Variants in SLC44A5 observed in about 807,000 individuals in gnomAD.
SLC44A5 encodes solute carrier family 44 member 5.
A neutral mutation model predicts 101.8 loss-of-function variants in SLC44A5; 57 were observed. The ratio of observed to expected loss-of-function variants is 0.56; its 90% CI spans 0.45 to 0.70. SLC44A5 has a LOEUF of 0.70. Among genes scored for constraint, SLC44A5 ranks in the 30% least tolerant of loss-of-function variants. The pLI is 0.00. For synonymous variants in SLC44A5, 281 were observed against 290.9 expected (o/e 0.97, Z 0.35); for missense variants, 737 against 853.1 (o/e 0.86, Z 1.70).
At chr1:75,493,263 A>T (rs1668513745) in intron 2 of SLC44A5, among the ~76,000 whole-genome samples, 1 of 152,178 alleles carries the variant, frequency 6.6e-6, no homozygotes, top group African/African-American at 2.4e-5. Flanking sequence ...ATGCCAGAGA[A>T]TTTCAAGCCT....
At chr1:75,451,386 A>G (rs1259203772) in intron 2 of SLC44A5, among the ~76,000 whole-genome samples, 2 of 152,138 alleles carry the variant, frequency 1.3e-5, no homozygotes, top group African/African-American at 4.8e-5. Flanking sequence ...CCAATATAAT[A>G]CCTGCCAAAA....
At chr1:75,599,174 T>C (rs74091782) in intron 1 of SLC44A5, among the ~76,000 whole-genome samples, 4,181 of 152,214 alleles carry the variant, frequency 0.027, 178 homozygotes, top group African/African-American at 0.096. Context: ...GATTAAAGGA[T>C]AAATTGCGCA....
chr1:75,237,946 G>A (rs1648252294), intron 10 of SLC44A5, among the ~76,000 whole-genome samples: 1 of 151,968 alleles, frequency 6.6e-6, no homozygotes, highest in Non-Finnish European at 1.5e-5. Flanking sequence ...GCACATGTGT[G>A]TATGCGTGCA....
At chr1:75,502,923 C>T (rs1669046749) in intron 2 of SLC44A5, among the ~76,000 whole-genome samples, 1 of 152,062 alleles carries the variant, frequency 6.6e-6, no homozygotes, top group Non-Finnish European at 1.5e-5. Context: ...CTCTGCCATG[C>T]CTCAAACCAC....
chr1:75,258,883 C>T (rs945914494), intron 6 of SLC44A5, among the ~76,000 whole-genome samples: 1 of 152,098 alleles, frequency 6.6e-6, no homozygotes, highest in African/African-American at 2.4e-5. Flanking sequence ...CCCAGGCAAA[C>T]AGGGTCTGGA....
At chr1:75,689,438 A>C in the SLC44A5 span, among the ~76,000 whole-genome samples, 824 of 152,304 alleles carry the variant, frequency 5.4e-3, 17 homozygotes, top group Admixed American at 0.037. Flanking sequence ...CCACAAATGA[A>C]GAAGCAACTC....
chr1:75,475,650 C>T (rs1303095650), intron 2 of SLC44A5, among the ~76,000 whole-genome samples: 1 of 152,332 alleles, frequency 6.6e-6, no homozygotes, highest in Non-Finnish European at 1.5e-5. Context: ...CCTCAGCCAT[C>T]TCCAAACCTT....
At chr1:75,708,336 C>A in the SLC44A5 span, among the ~76,000 whole-genome samples, 1 of 145,572 alleles carries the variant, frequency 6.9e-6, no homozygotes, top group East Asian at 2.0e-4. Flanking sequence ...ATCGCTTGAA[C>A]CCATGAGGTG....
intron 4 of SLC44A5, among the ~76,000 whole-genome samples, chr1:75,333,056 A>G (rs1205807638): frequency 6.6e-6 from 1 of 152,152 alleles, no homozygotes; most frequent in Non-Finnish European, 1.5e-5. Flanking sequence ...CCTATAGAAA[A>G]AAAGAACACA....
the SLC44A5 span, among the ~76,000 whole-genome samples, chr1:75,635,689 G>A: frequency 4.6e-5 from 7 of 150,938 alleles, no homozygotes; most frequent in Non-Finnish European, 7.4e-5. Flanking sequence ...AATAGCATTA[G>A]GAGATACACC....
At chr1:75,669,313 A>G in the SLC44A5 span, among the ~76,000 whole-genome samples, 1 of 152,140 alleles carries the variant, frequency 6.6e-6, no homozygotes, top group Non-Finnish European at 1.5e-5. Flanking sequence ...TGGATTCCCT[A>G]TACCCAAGGT....
At chr1:75,513,056 T>A (rs1669647781) in intron 2 of SLC44A5, among the ~76,000 whole-genome samples, 1 of 152,216 alleles carries the variant, frequency 6.6e-6, no homozygotes, top group South Asian at 2.1e-4. Context: ...GAGCCTGAGA[T>A]AAAATACTTG....
chr1:75,586,002 G>T (rs1449239349), intron 1 of SLC44A5, among the ~76,000 whole-genome samples: 1 of 152,112 alleles, frequency 6.6e-6, no homozygotes, highest in Non-Finnish European at 1.5e-5. Context: ...CATTTTACAG[G>T]TCAACTTGAC....
At chr1:75,376,307 A>T (rs574234283) in intron 3 of SLC44A5, among the ~76,000 whole-genome samples, 160 of 152,328 alleles carry the variant, frequency 1.1e-3, no homozygotes, top group South Asian at 4.6e-3. Flanking sequence ...CAAAGCAGCC[A>T]GGAAGCTCCA....
At chr1:75,680,251 A>C in the SLC44A5 span, among the ~76,000 whole-genome samples, 1 of 151,734 alleles carries the variant, frequency 6.6e-6, no homozygotes, top group African/African-American at 2.4e-5. Flanking sequence ...TCAGCTCTGC[A>C]CCAAGCGGAC....
intron 1 of SLC44A5, among the ~76,000 whole-genome samples, chr1:75,587,297 C>T (rs1674065091): frequency 6.6e-6 from 1 of 152,182 alleles, no homozygotes; most frequent in African/African-American, 2.4e-5. Flanking sequence ...TAAATAAAAG[C>T]ATATCAATAG....
intron 3 of SLC44A5, among the ~76,000 whole-genome samples, chr1:75,351,846 C>CAA (rs71071942): frequency 4.6e-4 from 13 of 28,404 alleles, no homozygotes; most frequent in East Asian, 2.2e-3. Context: ...CACACTTTAC[C>CAA]AAAAAAAAAA....
intron 2 of SLC44A5, among the ~76,000 whole-genome samples, chr1:75,478,239 G>C (rs528630113): frequency 0.028 from 4,322 of 152,052 alleles, 96 homozygotes; most frequent in East Asian, 0.1. Flanking sequence ...CCCTAAAAGA[G>C]CTCCTGAAGG....
At chr1:75,392,622 T>A (rs1661865766) in intron 3 of SLC44A5, among the ~76,000 whole-genome samples, 1 of 152,180 alleles carries the variant, frequency 6.6e-6, no homozygotes, top group Non-Finnish European at 1.5e-5. Flanking sequence ...AAAATAGAAC[T>A]ACTGCTCAAC....
Sources: allele counts gnomAD v4.1 joint callset (sites outside exome capture counted in the v4.1 genomes callset), GRCh38; gene constraint gnomAD v4.1.1; transcripts MANE v1.5; gene names NCBI Gene and HGNC (gene_info 2026-07-23, HGNC 2026-07-21).